Variants in DTNA observed in about 807,000 individuals in gnomAD.
DTNA encodes the protein dystrophin-related protein 3.
DTNA carries 43 observed loss-of-function variants against 100.7 expected under a neutral mutation model. The ratio of observed to expected loss-of-function variants is 0.43; its 90% CI spans 0.33 to 0.55. DTNA has a LOEUF of 0.55. Ranked by LOEUF, DTNA falls within the 20% of genes least tolerant of loss-of-function variation. The probability of loss-of-function intolerance (pLI) is 0.04; values close to 1 mark genes in which losing one functional copy is unlikely to be tolerated. For missense variants in DTNA, 798 were observed against 953.9 expected (o/e 0.84, Z 2.15); for synonymous variants, 349 against 347.9 (o/e 1.00, Z -0.04).
At chr18:34,731,563 A>G (rs991807761) in intron 1 of DTNA, among the ~76,000 whole-genome samples, 10 of 152,260 alleles carry the variant, frequency 6.6e-5, no homozygotes, top group Admixed American at 6.5e-5. Flanking sequence ...GCACATAGCA[A>G]GTGCATAATG....
intron 1 of DTNA, among the ~76,000 whole-genome samples, chr18:34,572,642 A>G (rs2047702207): frequency 6.6e-6 from 1 of 152,106 alleles, no homozygotes; most frequent in African/African-American, 2.4e-5. Flanking sequence ...CAGCCTTCCC[A>G]TCAGGTTCCC....
chr18:34,882,825 A>T (rs908762313), intron 21 of DTNA, among the ~76,000 whole-genome samples: 6 of 152,242 alleles, frequency 3.9e-5, no homozygotes, highest in Admixed American at 3.9e-4. Context: ...AAATGGATAC[A>T]AAGAACAGGG....
intron 1 of DTNA, among the ~76,000 whole-genome samples, chr18:34,547,245 A>G (rs1258059330): frequency 6.6e-6 from 1 of 152,112 alleles, no homozygotes; most frequent in Non-Finnish European, 1.5e-5. Flanking sequence ...TTTCAACATC[A>G]TAGAGAGCTA....
At chr18:34,862,400 TA>T (rs1260342039) in intron 16 of DTNA, among the ~76,000 whole-genome samples, 1 of 151,348 alleles carries the variant, frequency 6.6e-6, no homozygotes, top group Non-Finnish European at 1.5e-5. Context: ...CAATAATAGT[TA>T]AAAATATAAA....
intron 1 of DTNA, among the ~76,000 whole-genome samples, chr18:34,658,345 T>C (rs1363719090): frequency 6.6e-6 from 1 of 152,120 alleles, no homozygotes; most frequent in Non-Finnish European, 1.5e-5. Context: ...TTTATAAAAA[T>C]TCTTTTGTTT....
intron 22 of DTNA, among the ~76,000 whole-genome samples, chr18:34,885,935 G>C (rs1395827151): frequency 2.0e-5 from 3 of 152,180 alleles, no homozygotes; most frequent in Non-Finnish European, 2.9e-5. Context: ...ACACTGTTCC[G>C]TAAGTCTAGA....
chr18:34,699,767 C>G (rs1308950880), intron 1 of DTNA, among the ~76,000 whole-genome samples: 1 of 152,118 alleles, frequency 6.6e-6, no homozygotes, highest in African/African-American at 2.4e-5. Flanking sequence ...ACTAATAAAT[C>G]TGTTGCATTT....
rs771625240 is a variant in DTNA at position 34,794,218 on chromosome 18, C to T, written c.330C>T (p.Leu110=). 2.8e-5 allele frequency: 45 copies of T among 1,614,024 alleles called. No homozygotes were observed. Among genetic ancestry groups the T allele is most frequent in the South Asian group, 4.4e-5 (4 of 91,078 alleles). ...TCCATGTGGAGCAGTCCATCAGCCTCCTCCTTAACTTCCTGCTTGCAGCGT... is the reference window on the plus strand; with the variant it reads ...TCCATGTGGAGCAGTCCATCAGCCTTCTCCTTAACTTCCTGCTTGCAGCGT... ...HQIHVEQSIS[L]LLNFLLAAFD... Residue 110 remains leucine, a synonymous_variant, in exon 4 of 23, where the codon CTC becomes CTT. Coordinates refer to ENST00000444659, the MANE Select transcript of DTNA (RefSeq NM_001386795.1).
rs185744413 is a variant in DTNA, at chr18:34,744,980, C to A, written c.-1-10996C>A. 5.1e-3 allele frequency among the ~76,000 whole-genome samples: 782 copies of A among 152,172 alleles called. 7 individuals carry two copies. The highest frequency in any genetic ancestry group is 0.024 in the South Asian group (117 of 4,818). On this transcript the variant is annotated intron_variant, in intron 1 of 22. Transcript: ENST00000444659. ...TTAAGGTACATCTTAGTCTCTGAAT[C>A]TTGGTTTTCACATTGGTAAAATGAG...
chr18:34,567,988 A>G (rs890340118), intron 1 of DTNA, among the ~76,000 whole-genome samples: 3 of 152,144 alleles, frequency 2.0e-5, no homozygotes, highest in Non-Finnish European at 2.9e-5. Context: ...GTTTTCTTAC[A>G]TGAATATTGC....
intron 1 of DTNA, among the ~76,000 whole-genome samples, chr18:34,659,916 T>A (rs1001190575): frequency 6.6e-6 from 1 of 152,218 alleles, no homozygotes; most frequent in African/African-American, 2.4e-5. Context: ...TGTAACAACA[T>A]CCACATTCTT....
At chr18:34,858,026 A>G (rs2096573524) in intron 15 of DTNA, among the ~76,000 whole-genome samples, 1 of 152,146 alleles carries the variant, frequency 6.6e-6, no homozygotes, top group Admixed American at 6.5e-5. Context: ...TGGTGATTTA[A>G]CTCAACGACA....
intron 1 of DTNA, among the ~76,000 whole-genome samples, chr18:34,702,521 C>T (rs1376069991): frequency 1.3e-5 from 2 of 152,120 alleles, no homozygotes; most frequent in East Asian, 3.8e-4. Context: ...CTTGGGCCAC[C>T]GTTTTTAGAA....
At chr18:34,532,121 G>A (rs1411600418) in intron 1 of DTNA, among the ~76,000 whole-genome samples, 4 of 152,048 alleles carry the variant, frequency 2.6e-5, no homozygotes, top group African/African-American at 4.8e-5. Flanking sequence ...CATGACATCC[G>A]CCTCCTCTTA....
intron 10 of DTNA, chr18:34,828,937 G>A (rs1048173405): frequency 3.8e-6 from 5 of 1,303,886 alleles, no homozygotes; most frequent in South Asian, 2.4e-5. Flanking sequence ...AAGACCTGAT[G>A]TGATGTTTAG....
chr18:34,624,722 G>T (rs1366188252), intron 1 of DTNA, among the ~76,000 whole-genome samples: 1 of 152,186 alleles, frequency 6.6e-6, no homozygotes, highest in Non-Finnish European at 1.5e-5. Context: ...AGATGAATTA[G>T]ACGGGACCGT....
chr18:34,592,362 A>G (rs1261855606), intron 1 of DTNA, among the ~76,000 whole-genome samples: 1 of 152,058 alleles, frequency 6.6e-6, no homozygotes, highest in Non-Finnish European at 1.5e-5. Context: ...GGTGATTTAA[A>G]GGGACCCCAT....
rs1185974905 is a variant in DTNA, at chr18:34,866,521, AAACC to A, written c.1743+2460_1743+2463del. 3 of 1,131,668 alleles carry A rather than the reference AAACC, an allele frequency of 2.7e-6. No homozygotes were observed. The Admixed American group carries it at 1.2e-4, about 47-fold the overall frequency. The allele number at this position is 1,131,668 out of a possible 1,614,324, so 70.1% of individuals were successfully genotyped here. On this transcript the variant is annotated intron_variant, in intron 17 of 22. Coordinates refer to ENST00000444659, the MANE Select transcript of DTNA (RefSeq NM_001386795.1). ...ATACCCTGAGGTTCATGTCATCCCA[AAACC>A]CACAGCACTCAGAAGCTAACCTCTA...
At chr18:34,510,112 GT>G (rs71379572) in intron 1 of DTNA, among the ~76,000 whole-genome samples, 107 of 123,476 alleles carry the variant, frequency 8.7e-4, no homozygotes, top group East Asian at 1.3e-3. Flanking sequence ...GGTTGTTGTT[GT>G]TTTTTTTTTT....
Sources: allele counts gnomAD v4.1 joint callset (sites outside exome capture counted in the v4.1 genomes callset), GRCh38; gene constraint gnomAD v4.1.1; transcripts MANE v1.5; gene names NCBI Gene and HGNC (gene_info 2026-07-23, HGNC 2026-07-21).